Variants in TLE1 observed in about 807,000 individuals in gnomAD.
TLE1 encodes transducin-like enhancer protein 1.
TLE1 carries 21 observed loss-of-function variants against 89.8 expected under a neutral mutation model. The ratio of observed to expected loss-of-function variants is 0.23; its 90% CI spans 0.17 to 0.34. TLE1 has a LOEUF of 0.34. TLE1 is among the 10% of genes least tolerant of loss of function. The pLI is 1.00. For synonymous variants in TLE1, 447 were observed against 407.6 expected (o/e 1.10, Z -1.16); for missense variants, 795 against 1,031.2 (o/e 0.77, Z 3.14).
chr9:81,595,089 T>C (rs937841240), intron 14 of TLE1, among the ~76,000 whole-genome samples: 4 of 152,198 alleles, frequency 2.6e-5, no homozygotes, highest in East Asian at 1.9e-4. Flanking sequence ...GCACGTATAA[T>C]GGGAACCATG....
intron 4 of TLE1, among the ~76,000 whole-genome samples, chr9:81,680,942 C>CAA (rs199731120): frequency 4.8e-5 from 7 of 145,454 alleles, no homozygotes; most frequent in Non-Finnish European, 1.1e-4. Context: ...AAAAAAAAAA[C>CAA]AAAAAAAACA....
intron 8 of TLE1, among the ~76,000 whole-genome samples, chr9:81,626,443 A>C (rs2132258671): frequency 6.6e-6 from 1 of 152,246 alleles, no homozygotes; most frequent in African/African-American, 2.4e-5. Flanking sequence ...CTGGTCATTC[A>C]CGTACTCTGC....
intron 4 of TLE1, among the ~76,000 whole-genome samples, chr9:81,658,046 G>A (rs1830351600): frequency 6.6e-6 from 1 of 151,602 alleles, no homozygotes; most frequent in Non-Finnish European, 1.5e-5. Flanking sequence ...AAGTAGCTGG[G>A]ATTACAGGCA....
chr9:81,639,238 ATT>A (rs1166358644), intron 6 of TLE1, among the ~76,000 whole-genome samples: 5 of 137,702 alleles, frequency 3.6e-5, no homozygotes, highest in Admixed American at 3.6e-4. Flanking sequence ...AGCTTGGCTA[ATT>A]TTTTTTACAC....
At chr9:81,602,388 A>T (rs1406445609) in intron 14 of TLE1, among the ~76,000 whole-genome samples, 2 of 152,200 alleles carry the variant, frequency 1.3e-5, no homozygotes, top group Non-Finnish European at 2.9e-5. Context: ...CAGACTTCAG[A>T]ATATTTACAT....
At chr9:81,667,280 C>T (rs1831590279) in intron 4 of TLE1, among the ~76,000 whole-genome samples, 1 of 150,820 alleles carries the variant, frequency 6.6e-6, no homozygotes, top group African/African-American at 2.4e-5. Flanking sequence ...ACCTGTAATC[C>T]AGCTACTCAG....
At chr9:81,602,555 C>T (rs775554413) in intron 14 of TLE1, among the ~76,000 whole-genome samples, 28 of 152,142 alleles carry the variant, frequency 1.8e-4, no homozygotes, top group Non-Finnish European at 2.9e-4. Context: ...CGCACCTTGT[C>T]ACATGAGGTC....
rs373864615 is a variant in TLE1, at chr9:81,661,018, T to C, written c.235-6982A>G. 1.1e-4 allele frequency among the ~76,000 whole-genome samples: 17 copies of C among 149,070 alleles called. 1 individual carries two copies. In the East Asian group the frequency reaches 3.3e-3, roughly 29 times the overall value. On this transcript the variant is annotated intron_variant, in intron 4 of 19. Coordinates refer to ENST00000376499, the MANE Select transcript of TLE1 (RefSeq NM_005077.5). Reference sequence around the variant, plus strand: ...GGTGGCACGTGCCTGTAGTTCCAGCTACTCAGAAGCCTGAGGCAGAATTGC... The same window carrying C: ...GGTGGCACGTGCCTGTAGTTCCAGCCACTCAGAAGCCTGAGGCAGAATTGC...
At chr9:81,687,501 G>T in intron 1 of TLE1, 67 bp from the exon 2 acceptor site, 1 of 1,227,842 alleles carries the variant, frequency 8.1e-7, no homozygotes, top group Non-Finnish European at 1.2e-6. Flanking sequence ...CAGTAAGTCA[G>T]AGAAGGCAAG....
At chr9:81,687,949 G>T (rs892206614) in intron 1 of TLE1, among the ~76,000 whole-genome samples, 1 of 152,114 alleles carries the variant, frequency 6.6e-6, no homozygotes, top group Non-Finnish European at 1.5e-5. Context: ...GAGGGGATAT[G>T]GCTGCAGGAG....
intron 8 of TLE1, among the ~76,000 whole-genome samples, chr9:81,626,189 C>A (rs1285829996): frequency 1.3e-5 from 2 of 152,118 alleles, no homozygotes; most frequent in Non-Finnish European, 2.9e-5. Flanking sequence ...CTTTCTCCTC[C>A]CCGCAGGAAA....
At chr9:81,601,622 A>C (rs1830938363) in intron 14 of TLE1, among the ~76,000 whole-genome samples, 1 of 152,076 alleles carries the variant, frequency 6.6e-6, no homozygotes, top group Admixed American at 6.6e-5. Flanking sequence ...AAAAAGTCTA[A>C]CTAAACTTTG....
intron 8 of TLE1, 86 bp downstream of exon 8, chr9:81,633,262 G>A: frequency 6.3e-7 from 1 of 1,597,832 alleles, no homozygotes; most frequent in Non-Finnish European, 8.5e-7. Context: ...CTGTGCCTGT[G>A]TGGAGAAGTG....
intron 4 of TLE1, among the ~76,000 whole-genome samples, chr9:81,659,084 T>C (rs1313607745): frequency 6.6e-6 from 1 of 152,046 alleles, no homozygotes; most frequent in Non-Finnish European, 1.5e-5. Context: ...AATTTTTCTA[T>C]TTTTAGTAGA....
chr9:81,613,023 A>C (rs1278365645), intron 12 of TLE1, among the ~76,000 whole-genome samples: 1 of 152,206 alleles, frequency 6.6e-6, no homozygotes, highest in Non-Finnish European at 1.5e-5. Context: ...CCGCCATTGC[A>C]TTCCAGCCTG....
chr9:81,620,140 G>C (rs1281577566), intron 9 of TLE1, among the ~76,000 whole-genome samples: 1 of 152,120 alleles, frequency 6.6e-6, no homozygotes, highest in Non-Finnish European at 1.5e-5. Flanking sequence ...GAGGCGGGGG[G>C]CCCGGGGGAC....
chr9:81,662,361 T>TTGTG (rs371936084), intron 4 of TLE1, among the ~76,000 whole-genome samples: 15,675 of 138,120 alleles, frequency 0.11, 919 homozygotes, highest in Middle Eastern at 0.12. Flanking sequence ...TGTGCCTGTT[T>TTGTG]TGTGTGTGTG....
chr9:81,685,794 T>A (rs765437865), intron 3 of TLE1, 39 bp downstream of exon 3: 1 of 1,613,138 alleles, frequency 6.2e-7, no homozygotes, highest in South Asian at 1.1e-5. Flanking sequence ...TTTGCTAATA[T>A]CATATGAAAA....
At chr9:81,631,336 C>A (rs1417444005) in intron 8 of TLE1, among the ~76,000 whole-genome samples, 1 of 152,204 alleles carries the variant, frequency 6.6e-6, no homozygotes, top group Non-Finnish European at 1.5e-5. Context: ...CAGAAAGACA[C>A]AGAGGTATAA....
Sources: allele counts gnomAD v4.1 joint callset (sites outside exome capture counted in the v4.1 genomes callset), GRCh38; gene constraint gnomAD v4.1.1; transcripts MANE v1.5; gene names NCBI Gene and HGNC (gene_info 2026-07-23, HGNC 2026-07-21).